The following CBFA2T3 variants were observed in gnomAD, a reference collection of about 807,000 sequenced individuals.
The protein encoded by CBFA2T3 is transcriptional corepressor CBFA2T3.
A neutral mutation model predicts 58.6 loss-of-function variants in CBFA2T3; 31 were observed. The ratio of observed to expected loss-of-function variants is 0.53; its 90% CI spans 0.40 to 0.71. The LOEUF is 0.71. Ranked by LOEUF, CBFA2T3 falls within the 30% of genes least tolerant of loss-of-function variation. The probability of loss-of-function intolerance (pLI) is 0.00; values close to 1 mark genes in which losing one functional copy is unlikely to be tolerated. For missense variants in CBFA2T3, 1,076 were observed against 963.1 expected (o/e 1.12, Z -1.55); for synonymous variants, 531 against 421.9 (o/e 1.26, Z -3.17).
At chr16:88,934,613 G>A (rs117084991) in intron 1 of CBFA2T3, among the ~76,000 whole-genome samples, 1 of 152,270 alleles carries the variant, frequency 6.6e-6, no homozygotes, top group Non-Finnish European at 1.5e-5. Flanking sequence ...GAGGAGCGGA[G>A]AGGAGTCTGG....
At chr16:88,909,042 G>A (rs1419196413) in intron 1 of CBFA2T3, among the ~76,000 whole-genome samples, 1 of 152,184 alleles carries the variant, frequency 6.6e-6, no homozygotes, top group African/African-American at 2.4e-5. Context: ...TGCCCTTCCT[G>A]GAGCTGACCA....
intron 1 of CBFA2T3, among the ~76,000 whole-genome samples, chr16:88,909,444 G>A (rs1159288743): frequency 2.0e-5 from 3 of 152,214 alleles, no homozygotes; most frequent in South Asian, 2.1e-4. Flanking sequence ...CAACCCCAGC[G>A]GCGGCTGGGA....
intron 1 of CBFA2T3, among the ~76,000 whole-genome samples, chr16:88,935,539 G>A (rs114862249): frequency 0.011 from 1,645 of 152,316 alleles, 34 homozygotes; most frequent in African/African-American, 0.035. Context: ...TGGTGCACCC[G>A]GGGGCCCAGG....
intron 8 of CBFA2T3, among the ~76,000 whole-genome samples, chr16:88,882,030 G>A (rs1012296797): frequency 1.3e-5 from 2 of 152,240 alleles, no homozygotes; most frequent in Non-Finnish European, 2.9e-5. Context: ...AAGAGCCAGT[G>A]AGCAGAAAGT....
At chr16:88,975,903 C>A (rs1478956403) in intron 1 of CBFA2T3, among the ~76,000 whole-genome samples, 1 of 152,358 alleles carries the variant, frequency 6.6e-6, no homozygotes, top group African/African-American at 2.4e-5. Context: ...GAGAGCCCCG[C>A]GAGACGGGAG....
At chr16:88,930,990 G>A (rs780588195) in intron 1 of CBFA2T3, among the ~76,000 whole-genome samples, 22 of 152,058 alleles carry the variant, frequency 1.4e-4, no homozygotes, top group Non-Finnish European at 2.6e-4. Context: ...ATAACTCCAC[G>A]ATGCTTAAAA....
chr16:88,906,434 C>A (rs1297443626), intron 1 of CBFA2T3, among the ~76,000 whole-genome samples: 5 of 152,246 alleles, frequency 3.3e-5, no homozygotes, highest in African/African-American at 1.2e-4. Flanking sequence ...ACCCTGCTCC[C>A]CGCTCCAGCC....
At chr16:88,927,191 C>T (rs1390010803) in intron 1 of CBFA2T3, among the ~76,000 whole-genome samples, 5 of 152,230 alleles carry the variant, frequency 3.3e-5, no homozygotes, top group East Asian at 3.8e-4. Flanking sequence ...GAACGGGCAC[C>T]GCCTAACGAG....
In CBFA2T3 at chr16:88,894,961, G is replaced by T. The variant is rs568435583; in HGVS notation, c.380-2476C>A. ...CTTCCTGTGCCCTGGATGGTGGGGG[G>T]TCTTGGTGTACCCTTCAGATCAGGC... On this transcript the variant is annotated intron_variant, in intron 3 of 11. Coordinates refer to ENST00000268679, the MANE Select transcript of CBFA2T3 (RefSeq NM_005187.6). Among the ~76,000 whole-genome samples the T allele has an allele frequency of 2.5e-4, 38 of 152,308 alleles. 1 individual carries two copies. In the Middle Eastern group the frequency reaches 0.014, roughly 55 times the overall value.
At chr16:88,884,672 C>G (rs534181072) in intron 7 of CBFA2T3, 1 of 201,762 alleles carries the variant, frequency 5.0e-6, no homozygotes, top group Admixed American at 5.7e-5. Flanking sequence ...TTAACTCCCC[C>G]AGGCCTTGGA....
intron 1 of CBFA2T3, among the ~76,000 whole-genome samples, chr16:88,925,792 C>T (rs1268142557): frequency 6.6e-6 from 1 of 152,242 alleles, no homozygotes; most frequent in East Asian, 1.9e-4. Context: ...GCTGCTCCTG[C>T]TCCCCGGCGA....
chr16:88,892,230 C>G lies in CBFA2T3; in HGVS notation c.621+14G>C, dbSNP rs371987095. 1 of 1,603,676 alleles carries G rather than the reference C, an allele frequency of 6.2e-7. No homozygotes were observed. Among genetic ancestry groups the G allele is most frequent in the African/African-American group, 1.3e-5 (1 of 74,894 alleles). ...TGCATGTCCCAAGGCCCCGGCTGTC[C>G]CTGCCCAACTCACCACCAGGCCCAG... On this transcript the variant is annotated intron_variant, in intron 4 of 11. Transcript: ENST00000268679.
chr16:88,970,415 C>T (rs1485993303), intron 1 of CBFA2T3, among the ~76,000 whole-genome samples: 1 of 152,212 alleles, frequency 6.6e-6, no homozygotes, highest in African/African-American at 2.4e-5. Flanking sequence ...GCGACCTCAG[C>T]TGCCTTGCCT....
chr16:88,969,876 G>A lies in CBFA2T3; in HGVS notation c.151+6781C>T, dbSNP rs371219097. On this transcript the variant is annotated intron_variant, in intron 1 of 11. Coordinates refer to ENST00000268679, the MANE Select transcript of CBFA2T3 (RefSeq NM_005187.6). Reference sequence around the variant, plus strand: ...AGCCCCCGATCTTCTGCAAGGCTGTGGGTTCACCCCATCCCCCTCCACAGG... The same window carrying A: ...AGCCCCCGATCTTCTGCAAGGCTGTAGGTTCACCCCATCCCCCTCCACAGG... Among the ~76,000 whole-genome samples, 52 of 152,288 alleles carry A rather than the reference G, an allele frequency of 3.4e-4. 1 individual carries two copies. Among genetic ancestry groups the A allele is most frequent in the African/African-American group, 1.3e-3 (52 of 41,564 alleles).
chr16:88,919,616 G>A (rs969112816), intron 1 of CBFA2T3, among the ~76,000 whole-genome samples: 1 of 152,196 alleles, frequency 6.6e-6, no homozygotes, highest in African/African-American at 2.4e-5. Context: ...TGCACGCATG[G>A]TGCAGGGCAA....
At chr16:88,926,458 G>A (rs1411901868) in intron 1 of CBFA2T3, among the ~76,000 whole-genome samples, 1 of 152,228 alleles carries the variant, frequency 6.6e-6, no homozygotes, top group African/African-American at 2.4e-5. Flanking sequence ...GTGGTTTTCA[G>A]GGGTCGAGGC....
At chr16:88,968,319 G>A (rs1322402673) in intron 1 of CBFA2T3, among the ~76,000 whole-genome samples, 1 of 152,210 alleles carries the variant, frequency 6.6e-6, no homozygotes, top group African/African-American at 2.4e-5. Context: ...GGAAGCGGCT[G>A]CCTGCTGTCT....
chr16:88,906,192 C>T (rs1305849041), intron 1 of CBFA2T3, among the ~76,000 whole-genome samples: 6 of 152,182 alleles, frequency 3.9e-5, no homozygotes, highest in Non-Finnish European at 8.8e-5. Context: ...CCAAGGCCAA[C>T]TGCAGGCTCC....
Position 88,901,628 on chromosome 16 carries a change from T to C in CBFA2T3, c.180A>G (p.Ser60=), listed in dbSNP as rs1331219968. Reference sequence around the variant, plus strand: ...CCTCCGCTGGGGAGTCCGGCATCGCTGAGGCCTTAGCTTTCCTGTCCACTG... The same window carrying C: ...CCTCCGCTGGGGAGTCCGGCATCGCCGAGGCCTTAGCTTTCCTGTCCACTG... The part of the protein sequence containing the change: ...PAPVDRKAKA[S]AMPDSPAEVK... The change falls in exon 2 of 12, where the codon TCA becomes TCG. Residue 60 remains serine (S), a synonymous_variant. Coordinates refer to ENST00000268679, the MANE Select transcript of CBFA2T3 (RefSeq NM_005187.6). The C allele has an allele frequency of 2.6e-6, 4 of 1,530,512 alleles. No individual in the cohort carries two copies. Among genetic ancestry groups the C allele is most frequent in the Non-Finnish European group, 3.5e-6 (4 of 1,150,330 alleles). 94.8% of individuals were successfully genotyped at this position (1,530,512 alleles called of 1,614,324 possible). A position where few individuals can be genotyped will look rare whatever the true frequency, so the allele number is the denominator to read the frequency against.
Sources: gnomAD v4.1 joint callset for allele counts (sites outside exome capture counted in the v4.1 genomes callset) on GRCh38, gnomAD v4.1.1 for gene constraint, MANE v1.5 for transcripts, NCBI Gene and HGNC (gene_info 2026-07-23, HGNC 2026-07-21) for gene names.